The following EPHA5 variants were observed in gnomAD, a reference collection of about 807,000 sequenced individuals.
EPHA5 encodes the protein ephrin type-A receptor 5.
EPHA5 carries 60 observed loss-of-function variants against 105.0 expected under a neutral mutation model. The observed-to-expected ratio is 0.57, with a 90% CI of 0.46 to 0.71. The LOEUF (loss-of-function observed/expected upper bound fraction) is 0.71, where lower values mean the gene tolerates loss of function less well. EPHA5 is among the 30% of genes least tolerant of loss of function. The pLI is 0.00. For synonymous variants in EPHA5, 513 were observed against 449.1 expected (o/e 1.14, Z -1.80); for missense variants, 1,218 against 1,274.7 (o/e 0.96, Z 0.68).
In EPHA5 at chr4:65,669,684, T is replaced by TCGC. The variant is rs1319044210; in HGVS notation, c.56_58dup (p.Gly19dup). 7.6e-7 allele frequency: 1 copy of TCGC among 1,319,582 alleles called. No individual in the cohort carries two copies. The highest frequency in any genetic ancestry group is 9.7e-7 in the Non-Finnish European group (1 of 1,031,074). 81.7% of individuals were successfully genotyped at this position (1,319,582 alleles called of 1,614,324 possible). On this transcript the variant is annotated inframe_insertion, in exon 1 of 17. Transcript: ENST00000613740. ...CAGGGACGCTGGGGTGATGGGGGTG[T>TCGC]CGCCGCCGCCGCTTGGGGGCCGCCG...
chr4:65,441,600 G>C (rs953477226), intron 5 of EPHA5, among the ~76,000 whole-genome samples: 1 of 151,972 alleles, frequency 6.6e-6, no homozygotes, highest in Non-Finnish European at 1.5e-5. Flanking sequence ...AAGAGCAATT[G>C]GAATGACCTA....
chr4:65,501,884 G>A (rs750496102), intron 3 of EPHA5, among the ~76,000 whole-genome samples: 1 of 151,668 alleles, frequency 6.6e-6, no homozygotes, highest in Admixed American at 6.6e-5. Flanking sequence ...GAAATAGCAC[G>A]GTACTGGTAG....
intron 1 of EPHA5, among the ~76,000 whole-genome samples, chr4:65,649,485 T>C (rs1748405866): frequency 6.6e-6 from 1 of 152,212 alleles, no homozygotes; most frequent in Non-Finnish European, 1.5e-5. Context: ...GACAAACCTA[T>C]ATTTGGGTAA....
intron 2 of EPHA5, among the ~76,000 whole-genome samples, chr4:65,608,012 A>G (rs1006348695): frequency 6.6e-6 from 1 of 152,174 alleles, no homozygotes; most frequent in Admixed American, 6.5e-5. Context: ...ATACTAAACG[A>G]TGAGTTCATG....
At chr4:65,446,791 T>C (rs565561143) in intron 5 of EPHA5, among the ~76,000 whole-genome samples, 2 of 152,242 alleles carry the variant, frequency 1.3e-5, no homozygotes, top group East Asian at 3.9e-4. Context: ...TGTTTCTATA[T>C]GGCTGCGACA....
chr4:65,622,449 G>A (rs751853817), intron 2 of EPHA5, among the ~76,000 whole-genome samples: 7 of 151,938 alleles, frequency 4.6e-5, no homozygotes, highest in East Asian at 1.9e-4. Flanking sequence ...CTATTCAAGC[G>A]TTCTTGCCTT....
At chr4:65,550,337 A>G (rs1036075816) in intron 3 of EPHA5, among the ~76,000 whole-genome samples, 31 of 152,318 alleles carry the variant, frequency 2.0e-4, no homozygotes, top group African/African-American at 6.0e-4. Context: ...TTGAACCATT[A>G]CAAATAGTTG....
chr4:65,550,335 T>C (rs1737778618), intron 3 of EPHA5, among the ~76,000 whole-genome samples: 1 of 152,148 alleles, frequency 6.6e-6, no homozygotes, highest in South Asian at 2.1e-4. Flanking sequence ...TGTTGAACCA[T>C]TACAAATAGT....
intron 2 of EPHA5, among the ~76,000 whole-genome samples, chr4:65,619,425 TAAATGAGG>T (rs1745522181): frequency 6.6e-6 from 1 of 152,122 alleles, no homozygotes; most frequent in Non-Finnish European, 1.5e-5. Context: ...AGAAAGACAT[TAAATGAGG>T]ACCTTGGGAT....
At chr4:65,453,091 A>G (rs562333040) in intron 5 of EPHA5, among the ~76,000 whole-genome samples, 41 of 152,244 alleles carry the variant, frequency 2.7e-4, no homozygotes, top group African/African-American at 9.9e-4. Flanking sequence ...ATGGATAATC[A>G]TTTTTTGATA....
intron 14 of EPHA5, among the ~76,000 whole-genome samples, chr4:65,337,002 C>T (rs1721249116): frequency 6.6e-6 from 1 of 151,956 alleles, no homozygotes; most frequent in South Asian, 2.1e-4. Context: ...TATACTTTTT[C>T]ACAAAGAATT....
At chr4:65,433,310 T>C (rs1725152539) in intron 5 of EPHA5, among the ~76,000 whole-genome samples, 1 of 152,128 alleles carries the variant, frequency 6.6e-6, no homozygotes, top group Non-Finnish European at 1.5e-5. Flanking sequence ...TACACATAAA[T>C]ATAAAACAAA....
intron 5 of EPHA5, among the ~76,000 whole-genome samples, chr4:65,422,032 G>A (rs1175227067): frequency 6.6e-6 from 1 of 152,126 alleles, no homozygotes; most frequent in African/African-American, 2.4e-5. Context: ...ACAGCCTAAG[G>A]TGGAATACTT....
At chr4:65,575,549 C>T (rs939694079) in intron 3 of EPHA5, among the ~76,000 whole-genome samples, 1 of 152,138 alleles carries the variant, frequency 6.6e-6, no homozygotes, top group Non-Finnish European at 1.5e-5. Flanking sequence ...ATTTCACCTT[C>T]CTTTATCCTA....
intron 3 of EPHA5, among the ~76,000 whole-genome samples, chr4:65,571,170 G>A (rs1322341322): frequency 1.3e-5 from 2 of 151,690 alleles, no homozygotes; most frequent in African/African-American, 4.8e-5. Flanking sequence ...GAAACAGAAA[G>A]AAATAGGAAG....
intron 3 of EPHA5, among the ~76,000 whole-genome samples, chr4:65,505,600 C>T (rs573844252): frequency 3.3e-5 from 5 of 152,106 alleles, no homozygotes; most frequent in Admixed American, 1.3e-4. Context: ...ATGGTTTCTT[C>T]ACAAAATATT....
At chr4:65,570,895 G>A (rs1740096885) in intron 3 of EPHA5, among the ~76,000 whole-genome samples, 1 of 151,956 alleles carries the variant, frequency 6.6e-6, no homozygotes, top group Non-Finnish European at 1.5e-5. Context: ...AGATAGCAAT[G>A]GAGATTAAAC....
At position 65,490,413 on chromosome 4, in the gene EPHA5, G is replaced by T. The variant is rs2149212200; in HGVS notation, c.1366C>A (p.Gln456Lys). ...GVSDLSPGARQYVSVNVTTNQ... is the reference protein window; with the variant it reads ...GVSDLSPGARKYVSVNVTTNQ... ...GTGGTTACATTTACAGACACATACTGCCGGGCTCCTGGGCTCAAGTCGGAC... is the reference window on the plus strand; with the variant it reads ...GTGGTTACATTTACAGACACATACTTCCGGGCTCCTGGGCTCAAGTCGGAC... Residue 456 changes from glutamine (Q) to lysine (K), a missense_variant, in exon 5 of 17, where the codon CAG (glutamine) becomes AAG (lysine). Gln to Lys is a moderately conservative substitution (Grantham distance 53). Coordinates refer to ENST00000613740, the MANE Select transcript of EPHA5 (RefSeq NM_001281766.3). 6.2e-6 allele frequency: 10 copies of T among 1,614,074 alleles called. No homozygotes were observed. The highest frequency in any genetic ancestry group is 7.6e-6 in the Non-Finnish European group (9 of 1,180,002).
intron 14 of EPHA5, among the ~76,000 whole-genome samples, chr4:65,346,957 C>G (rs1722281438): frequency 6.6e-6 from 1 of 152,108 alleles, no homozygotes; most frequent in Non-Finnish European, 1.5e-5. Flanking sequence ...ACTGTAGGTA[C>G]CTACAATTAG....
Sources: gnomAD v4.1 joint callset for allele counts (sites outside exome capture counted in the v4.1 genomes callset) on GRCh38, gnomAD v4.1.1 for gene constraint, MANE v1.5 for transcripts, NCBI Gene and HGNC (gene_info 2026-07-23, HGNC 2026-07-21) for gene names.